NDUFAF6: variants seen among roughly 807,000 people sequenced by gnomAD.
The protein encoded by NDUFAF6 is NADH dehydrogenase (ubiquinone) complex I, assembly factor 6.
A neutral mutation model predicts 40.8 loss-of-function variants in NDUFAF6; 45 were observed. The ratio of observed to expected loss-of-function variants is 1.10; its 90% confidence interval spans 0.87 to 1.42. The LOEUF (loss-of-function observed/expected upper bound fraction) is 1.42. Ranked by LOEUF, NDUFAF6 falls within the 40% of genes most tolerant of loss-of-function variation. The pLI, the probability that NDUFAF6 is intolerant of heterozygous loss-of-function variation, is 0.00. For missense variants in NDUFAF6, 435 were observed against 418.5 expected, an observed-to-expected ratio of 1.04 and a Z score of -0.34; for synonymous variants, 185 against 155.9, an observed-to-expected ratio of 1.19 and a Z score of -1.39.
At chr8:95,002,800 T>C (rs948335784) in intron 2 of NDUFAF6, among the ~76,000 whole-genome samples, 5 of 152,324 alleles carry the variant, frequency 3.3e-5, no homozygotes, top group Middle Eastern at 3.4e-3. Flanking sequence ...AAGAGGCACC[T>C]GGTTGGCTCA....
intron 1 of NDUFAF6, among the ~76,000 whole-genome samples, chr8:94,901,474 C>T (rs1220523046): frequency 6.6e-6 from 1 of 151,936 alleles, no homozygotes; most frequent in African/African-American, 2.4e-5. Flanking sequence ...AAGTAAAAGG[C>T]AAGCAACTAG....
intron 2 of NDUFAF6, chr8:94,949,956 A>T (rs1331030460): frequency 1.3e-5 from 2 of 152,394 alleles, no homozygotes; most frequent in Non-Finnish European, 2.9e-5. Flanking sequence ...CCGCTCAATC[A>T]CGGAGCCAGG....
Position 94,991,807 on chromosome 8 carries a change from CT to C in NDUFAF6, c.-84+10845del, listed in dbSNP as rs55871829. 9.2e-3 allele frequency among the ~76,000 whole-genome samples: 640 copies of C among 69,724 alleles called. 1 individual carries two copies. Among genetic ancestry groups the C allele is most frequent in the African/African-American group, 0.028 (545 of 19,330 alleles). The allele number at this position is 69,724 out of a possible 152,430, so 45.7% of individuals were successfully genotyped here. On this transcript the variant is annotated intron_variant, in intron 2 of 9. Transcript: ENST00000396111. The stretch of plus-strand genomic sequence containing the variant: ...CTTCCTCATTCTTCGCCCCCCCCCC[CT>C]TTTTTTTTTTAAAGCAGCACGAGAT...
At chr8:95,036,654 T>G (rs1271106518) in intron 3 of NDUFAF6, among the ~76,000 whole-genome samples, 1 of 152,232 alleles carries the variant, frequency 6.6e-6, no homozygotes, top group Non-Finnish European at 1.5e-5. Flanking sequence ...TGTTAAGACT[T>G]GCGTAAAAGG....
intron 3 of NDUFAF6, 60 bp downstream of exon 3, chr8:95,035,636 A>T: frequency 3.3e-6 from 5 of 1,518,624 alleles, no homozygotes; most frequent in Non-Finnish European, 4.5e-6. Flanking sequence ...CTACTTTTTG[A>T]TGGATATAAT....
At position 95,025,032 on chromosome 8, in the gene NDUFAF6, T is replaced by C. The variant is rs781758701; in HGVS notation, c.24T>C (p.Ser8=). MAASAHG[S]VWGPLRLGIP... ...TCATGGCGGCCTCCGCGCACGGCTC[T>C]GTCTGGGGGCCGTTGCGGCTTGGCA... Residue 8 remains serine (S), a synonymous_variant, in exon 1 of 9, where the codon TCT becomes TCC. Transcript: ENST00000396124. 6.5e-6 allele frequency: 9 copies of C among 1,382,808 alleles called. No homozygotes were observed. The South Asian group carries it at 1.1e-4, about 16-fold the overall frequency. 85.7% of individuals were successfully genotyped at this position (1,382,808 alleles called of 1,614,324 possible).
chr8:95,052,896 A>G (rs1831606291), intron 8 of NDUFAF6, among the ~76,000 whole-genome samples: 1 of 152,178 alleles, frequency 6.6e-6, no homozygotes, highest in African/African-American at 2.4e-5. Context: ...GATAATTGCT[A>G]CCAGTTACTT....
chr8:95,025,019 C>A lies in NDUFAF6; in HGVS notation c.11C>A (p.Ser4Tyr), dbSNP rs1399757331. 5 of 1,345,374 alleles carry A rather than the reference C, an allele frequency of 3.7e-6. No homozygotes were observed. Among genetic ancestry groups the A allele is most frequent in the Middle Eastern group, 2.6e-4 (1 of 3,790 alleles). 83.3% of individuals were successfully genotyped at this position (1,345,374 alleles called of 1,614,324 possible). The change falls in exon 1 of 9, where the codon TCC (serine) becomes TAC (tyrosine). Residue 4 changes from serine (S) to tyrosine (Y), a missense_variant. Physicochemically the swap from Ser to Tyr is moderately radical, Grantham distance 144. Coordinates refer to ENST00000396124, the MANE Select transcript of NDUFAF6 (RefSeq NM_152416.4). ...CGCAGTGCCGGCGTCATGGCGGCCTCCGCGCACGGCTCTGTCTGGGGGCCG... is the reference window on the plus strand; with the variant it reads ...CGCAGTGCCGGCGTCATGGCGGCCTACGCGCACGGCTCTGTCTGGGGGCCG... Reference protein sequence around the residue: MAASAHGSVWGPLR... With the variant: MAAYAHGSVWGPLR...
chr8:95,035,359 G>A, intron 2 of NDUFAF6, 95 bp from the exon 3 acceptor site: 1 of 1,308,282 alleles, frequency 7.6e-7, no homozygotes, highest in East Asian at 2.3e-5. Flanking sequence ...TCATAATACA[G>A]AACAGTTACA....
At chr8:95,010,667 T>C (rs187594561) in intron 2 of NDUFAF6, among the ~76,000 whole-genome samples, 81 of 152,334 alleles carry the variant, frequency 5.3e-4, no homozygotes, top group African/African-American at 1.9e-3. Context: ...AGAGAACAAC[T>C]GGCAGCTATT....
upstream of NDUFAF6, chr8:95,023,283 A>G (rs73276437): frequency 0.14 from 21,860 of 152,294 alleles, 1,612 homozygotes; most frequent in Middle Eastern, 0.25. Flanking sequence ...GGTAACACCC[A>G]CCACCGGGGT....
intron 2 of NDUFAF6, among the ~76,000 whole-genome samples, chr8:95,035,045 A>G (rs1219839715): frequency 6.6e-6 from 1 of 151,948 alleles, no homozygotes; most frequent in Admixed American, 6.6e-5. Context: ...ACACCCGGCT[A>G]ATTTTTTGTA....
chr8:94,903,373 AAAC>A (rs1437707547), intron 1 of NDUFAF6, among the ~76,000 whole-genome samples: 1 of 152,146 alleles, frequency 6.6e-6, no homozygotes, highest in Non-Finnish European at 1.5e-5. Flanking sequence ...AAAACAAAGA[AAAC>A]AACAACAACA....
At chr8:94,921,027 T>G (rs1272153449) in intron 1 of NDUFAF6, among the ~76,000 whole-genome samples, 2 of 152,202 alleles carry the variant, frequency 1.3e-5, no homozygotes, top group African/African-American at 2.4e-5. Flanking sequence ...TAAAGTCCTC[T>G]ACTGGATGCC....
chr8:95,058,940 G>A (rs950477880), downstream of NDUFAF6, among the ~76,000 whole-genome samples: 1 of 152,272 alleles, frequency 6.6e-6, no homozygotes, highest in East Asian at 1.9e-4. Flanking sequence ...CTACTAGGAA[G>A]GCTGAGGTGG....
At chr8:94,948,388 G>C (rs1256139513) in intron 2 of NDUFAF6, among the ~76,000 whole-genome samples, 1 of 152,184 alleles carries the variant, frequency 6.6e-6, no homozygotes, top group East Asian at 1.9e-4. Context: ...CATAGTATAT[G>C]GCACATACTC....
intron 1 of NDUFAF6, among the ~76,000 whole-genome samples, chr8:94,938,870 T>C (rs1047846984): frequency 6.6e-6 from 1 of 152,186 alleles, no homozygotes; most frequent in Non-Finnish European, 1.5e-5. Context: ...TACAGCTGGT[T>C]GGTCAGAAGC....
chr8:95,050,887 C>T (rs1425316028), intron 7 of NDUFAF6, among the ~76,000 whole-genome samples: 1 of 151,980 alleles, frequency 6.6e-6, no homozygotes, highest in African/African-American at 2.4e-5. Context: ...TGTGGCAAGA[C>T]CAGATAGAGG....
chr8:95,053,527 C>T (rs1239390460), intron 8 of NDUFAF6, among the ~76,000 whole-genome samples: 15 of 152,204 alleles, frequency 9.9e-5, no homozygotes, highest in Admixed American at 9.8e-4. Flanking sequence ...TTTAAAAAGA[C>T]CTAAACAATG....
Sources: gnomAD v4.1 joint callset for allele counts (sites outside exome capture counted in the v4.1 genomes callset) on GRCh38, gnomAD v4.1.1 for gene constraint, MANE v1.5 for transcripts, NCBI Gene and HGNC (gene_info 2026-07-23, HGNC 2026-07-21) for gene names.